KLHL7: variants seen among roughly 807,000 people sequenced by gnomAD.
KLHL7 encodes kelch like family member 7, also known as kelch-like protein 7.
Under a neutral mutation model 67.4 loss-of-function variants are expected in KLHL7, and 44 were observed. The ratio of observed to expected loss-of-function variants is 0.65; its 90% CI spans 0.51 to 0.84. KLHL7 has a LOEUF of 0.84. Ranked by LOEUF, KLHL7 falls within the 40% of genes least tolerant of loss-of-function variation. The pLI is 0.00. For synonymous variants in KLHL7, 252 were observed against 243.3 expected, an observed-to-expected ratio of 1.04 and a Z score of -0.33; for missense variants, 362 against 718.1, an observed-to-expected ratio of 0.50 and a Z score of 5.67.
rs1459661291 is a variant in KLHL7, at chr7:23,128,032, A to C, written c.442+2860A>C. ...GCAGTCCAAGCTACTCCAGAGGCTG[A>C]AGCGGGAAAATCGCTTGAACCGGGA... On this transcript the variant is annotated intron_variant, in intron 4 of 10. Coordinates refer to ENST00000339077, the MANE Select transcript of KLHL7 (RefSeq NM_001031710.3). Among the ~76,000 whole-genome samples the C allele has an allele frequency of 3.3e-5, 5 of 151,778 alleles. No homozygotes were observed. The East Asian group carries it at 9.6e-4, about 29-fold the overall frequency.
intron 4 of KLHL7, among the ~76,000 whole-genome samples, chr7:23,139,530 A>G (rs755216373): frequency 1.3e-5 from 2 of 152,262 alleles, no homozygotes; most frequent in Non-Finnish European, 2.9e-5. Flanking sequence ...CACCATGAGC[A>G]TCAAACATGT....
At chr7:23,141,259 G>A (rs1784172909) in intron 5 of KLHL7, among the ~76,000 whole-genome samples, 2 of 152,322 alleles carry the variant, frequency 1.3e-5, no homozygotes, top group Admixed American at 1.3e-4. Flanking sequence ...CTAAGTTAAG[G>A]ATTTTGAGAT....
chr7:23,170,916 T>TTTC (rs1200595659), intron 9 of KLHL7, among the ~76,000 whole-genome samples: 2 of 150,480 alleles, frequency 1.3e-5, no homozygotes, highest in Non-Finnish European at 3.0e-5. Context: ...ACTTTTTTTT[T>TTTC]TTTTTTTTGT....
chr7:23,176,535 T>C lies in KLHL7; in HGVS notation c.*2237T>C, dbSNP rs890672280. On this transcript the variant is annotated 3_prime_UTR_variant, in exon 11 of 11. Coordinates refer to ENST00000339077, the MANE Select transcript of KLHL7 (RefSeq NM_001031710.3). ...TACAAAAAAATAAAAAGTTAGCAGG[T>C]GTGGTATATACCTGCAGTTCTAGCT... 6.6e-6 allele frequency: 1 copy of C among 151,848 alleles called. No homozygotes were observed. The highest frequency in any genetic ancestry group is 2.4e-5 in the African/African-American group (1 of 41,258). 9.4% of individuals were successfully genotyped at this position (151,848 alleles called of 1,614,324 possible).
intron 1 of KLHL7, among the ~76,000 whole-genome samples, chr7:23,112,492 A>G (rs1172077082): frequency 1.3e-5 from 2 of 152,182 alleles, no homozygotes; most frequent in African/African-American, 4.8e-5. Flanking sequence ...AGGATAGAAA[A>G]TGGGCCTATG....
intron 1 of KLHL7, among the ~76,000 whole-genome samples, chr7:23,119,235 C>T (rs537543566): frequency 1.7e-4 from 26 of 152,090 alleles, no homozygotes; most frequent in African/African-American, 5.5e-4. Context: ...GACAGAATCT[C>T]GCTCTGTTGT....
rs775252502 is a variant in KLHL7, at chr7:23,123,732, G to GA, written c.121-45_121-44insA. 2.3e-6 allele frequency: 3 copies of GA among 1,327,198 alleles called. No individual in the cohort carries two copies. In the African/African-American group the frequency reaches 4.3e-5, roughly 19 times the overall value. 82.2% of individuals were successfully genotyped at this position (1,327,198 alleles called of 1,614,324 possible). A position where few individuals can be genotyped will look rare whatever the true frequency, so the allele number is the denominator to read the frequency against. The stretch of plus-strand genomic sequence containing the variant: ...CTTTTTAACATGTATTGCCAAGCTA[G>GA]GCTAGTGAGCCTCTTTTTATTTTAT... On this transcript the variant is annotated intron_variant, in intron 1 of 10. Coordinates refer to ENST00000339077, the MANE Select transcript of KLHL7 (RefSeq NM_001031710.3).
chr7:23,131,258 C>G (rs902482989), intron 4 of KLHL7, among the ~76,000 whole-genome samples: 1 of 152,118 alleles, frequency 6.6e-6, no homozygotes, highest in Admixed American at 6.6e-5. Flanking sequence ...GAAACAAGAC[C>G]TTGTACAGCT....
intron 4 of KLHL7, among the ~76,000 whole-genome samples, chr7:23,134,966 T>A (rs775485410): frequency 4.1e-4 from 62 of 152,320 alleles, no homozygotes; most frequent in Admixed American, 1.2e-3. Flanking sequence ...TCTTTATTTC[T>A]CCTACTAATT....
intron 6 of KLHL7, among the ~76,000 whole-genome samples, chr7:23,145,678 G>A (rs1038994649): frequency 6.6e-6 from 1 of 152,184 alleles, no homozygotes; most frequent in African/African-American, 2.4e-5. Context: ...AGGCATTTGG[G>A]AACTGGATGA....
At position 23,177,322 on chromosome 7, in the gene KLHL7, GA is replaced by G. The variant is rs1451827867; in HGVS notation, c.*3026del. The G allele has an allele frequency of 6.6e-6, 1 of 152,106 alleles. No individual in the cohort carries two copies. The highest frequency in any genetic ancestry group is 1.5e-5 in the Non-Finnish European group (1 of 68,024). 9.4% of individuals were successfully genotyped at this position (152,106 alleles called of 1,614,324 possible). On this transcript the variant is annotated 3_prime_UTR_variant, in exon 11 of 11. Coordinates refer to ENST00000339077, the MANE Select transcript of KLHL7 (RefSeq NM_001031710.3). ...ATATAATTTGACAATCTCCTATGTA[GA>G]ATATACAGTACCTGTCTAAGATATT...
chr7:23,114,557 C>A (rs1783007566), intron 1 of KLHL7, among the ~76,000 whole-genome samples: 1 of 152,172 alleles, frequency 6.6e-6, no homozygotes, highest in Non-Finnish European at 1.5e-5. Flanking sequence ...GCTGTAAGTT[C>A]TTTTTTCCAA....
At chr7:23,167,710 T>C (rs1389098408) in intron 8 of KLHL7, 126 bp from the exon 9 acceptor site, 12 of 760,272 alleles carry the variant, frequency 1.6e-5, no homozygotes, top group South Asian at 6.0e-5. Flanking sequence ...TTGTTGTTGA[T>C]TGAGTATGAA....
At chr7:23,142,027 T>C (rs762798209) in intron 5 of KLHL7, among the ~76,000 whole-genome samples, 2 of 152,264 alleles carry the variant, frequency 1.3e-5, no homozygotes, top group South Asian at 4.1e-4. Context: ...CAAGCGATTC[T>C]CATGCCTCAG....
At chr7:23,141,070 C>CA in intron 5 of KLHL7, 126 bp downstream of exon 5, 1 of 872,134 alleles carries the variant, frequency 1.1e-6, no homozygotes, top group South Asian at 1.4e-5. Context: ...TTACACTAAA[C>CA]AGAGTATTGT....
intron 6 of KLHL7, among the ~76,000 whole-genome samples, chr7:23,147,002 C>G (rs2128465770): frequency 6.8e-6 from 1 of 147,374 alleles, no homozygotes; most frequent in Non-Finnish European, 1.5e-5. Context: ...GAGTAATTTT[C>G]TTATGAGTAA....
rs537883864 is a variant in KLHL7 at position 23,134,941 on chromosome 7, T to A, written c.443-5828T>A. Among the ~76,000 whole-genome samples the A allele has an allele frequency of 3.0e-4, 45 of 152,322 alleles. No individual in the cohort carries two copies. The South Asian group carries it at 8.7e-3, about 29-fold the overall frequency. On this transcript the variant is annotated intron_variant, in intron 4 of 10. Transcript: ENST00000339077. ...CTTTTGTATTTTTTTCATTTCAGTT[T>A]TATTTTTTCTCTGATCTTTATTTCT...
intron 1 of KLHL7, among the ~76,000 whole-genome samples, chr7:23,108,810 T>C (rs750048543): frequency 5.9e-5 from 9 of 152,160 alleles, no homozygotes; most frequent in Non-Finnish European, 1.0e-4. Flanking sequence ...TCTTGTGTTT[T>C]GTTTTCTTAA....
chr7:23,110,242 A>G (rs747234357), intron 1 of KLHL7, among the ~76,000 whole-genome samples: 5 of 152,168 alleles, frequency 3.3e-5, no homozygotes, highest in African/African-American at 7.2e-5. Context: ...AGAACTGTCT[A>G]CCTTTTCACT....
Sources: gnomAD v4.1 joint callset for allele counts (sites outside exome capture counted in the v4.1 genomes callset) on GRCh38, gnomAD v4.1.1 for gene constraint, MANE v1.5 for transcripts, NCBI Gene and HGNC (gene_info 2026-07-23, HGNC 2026-07-21) for gene names.